The following SULF2 variants were observed in gnomAD, a reference collection of about 807,000 sequenced individuals.
The protein encoded by SULF2 is sulfatase 2, also known as extracellular sulfatase Sulf-2.
In SULF2, 52 loss-of-function variants were observed where a neutral mutation model predicts 107.7. That is an observed-to-expected ratio of 0.48 (90% CI 0.39 to 0.61). The LOEUF (loss-of-function observed/expected upper bound fraction) is 0.61. Ranked by LOEUF, SULF2 falls within the 20% of genes least tolerant of loss-of-function variation. SULF2 has a pLI of 0.00. For synonymous variants in SULF2, 460 were observed against 464.3 expected (o/e 0.99, Z 0.12); for missense variants, 993 against 1,177.3 (o/e 0.84, Z 2.29).
chr20:47,763,133 T>C (rs2146936039), intron 1 of SULF2, among the ~76,000 whole-genome samples: 1 of 152,184 alleles, frequency 6.6e-6, no homozygotes, highest in African/African-American at 2.4e-5. Flanking sequence ...ACTCCATCCC[T>C]GCTGTGGACA....
At chr20:47,760,134 A>G (rs1393309288) in intron 1 of SULF2, among the ~76,000 whole-genome samples, 1 of 152,172 alleles carries the variant, frequency 6.6e-6, no homozygotes, top group African/African-American at 2.4e-5. Context: ...CTCCATGGAC[A>G]CCAACGAGGA....
intron 3 of SULF2, among the ~76,000 whole-genome samples, chr20:47,721,913 T>A (rs1282834866): frequency 6.6e-6 from 1 of 152,104 alleles, no homozygotes; most frequent in Non-Finnish European, 1.5e-5. Flanking sequence ...GAAAGAGACA[T>A]AAGACCCTAG....
chr20:47,701,182 A>G (rs963488615), intron 4 of SULF2, among the ~76,000 whole-genome samples: 1 of 152,222 alleles, frequency 6.6e-6, no homozygotes, highest in East Asian at 1.9e-4. Flanking sequence ...AAGAGAACAG[A>G]CTATACGATT....
Position 47,665,201 on chromosome 20 carries a change from G to T in SULF2, c.1995C>A (p.Ile665=). The change falls in exon 14 of 21, where the codon ATC becomes ATA. Residue 665 remains isoleucine, a splice_region_variant and synonymous_variant. Coordinates refer to ENST00000688720, the MANE Select transcript of SULF2 (RefSeq NM_001387048.1). The part of the protein sequence containing the change: ...KRPEECDCHK[I]SYHTQHKGRL... ...AGGTCCCTTTGCTACTGCCTCACCT[G>T]ATTTTGTGACAGTCACATTCTTCTG... The T allele has an allele frequency of 1.7e-5, 28 of 1,611,382 alleles. No homozygotes were observed. The highest frequency in any genetic ancestry group is 2.4e-5 in the Non-Finnish European group (28 of 1,177,438).
At chr20:47,668,331 C>A (rs910113787) in intron 11 of SULF2, among the ~76,000 whole-genome samples, 1 of 152,240 alleles carries the variant, frequency 6.6e-6, no homozygotes, top group Non-Finnish European at 1.5e-5. Context: ...CCTCTGCAGT[C>A]GCAGGGCTGA....
chr20:47,666,484 G>A lies in SULF2; in HGVS notation c.1581C>T (p.Tyr527=), dbSNP rs151082366. 2.3e-3 allele frequency: 3,742 copies of A among 1,612,208 alleles called. 6 individuals are homozygous for A. The highest frequency in any genetic ancestry group is 2.8e-3 in the Non-Finnish European group (3,248 of 1,179,578). Residue 527 remains tyrosine, a synonymous_variant, in exon 12 of 21, where the codon TAC becomes TAT. Coordinates refer to ENST00000688720, the MANE Select transcript of SULF2 (RefSeq NM_001387048.1). The surrounding 1 kb of genome is among the most constrained non-coding windows in gnomAD (Gnocchi z 5.4). ...AGCGACTGCGGACATAGCTGGCCTT[G>A]TACTCTGTGGGCATTAGAGGAGTGG... ...GRRKKLFKKK[Y]KASYVRSRSI...
At chr20:47,726,736 G>A (rs894967525) in intron 3 of SULF2, among the ~76,000 whole-genome samples, 2 of 152,190 alleles carry the variant, frequency 1.3e-5, no homozygotes. Flanking sequence ...GAATGTTCAG[G>A]GAGTCACAGC....
At chr20:47,702,328 G>A (rs1448649928) in intron 4 of SULF2, among the ~76,000 whole-genome samples, 191 bp downstream of exon 4, 1 of 152,176 alleles carries the variant, frequency 6.6e-6, no homozygotes, top group Non-Finnish European at 1.5e-5. Flanking sequence ...CCAAAGTGCT[G>A]GGATTACAGG....
At chr20:47,770,174 C>T (rs1423294465) in intron 1 of SULF2, among the ~76,000 whole-genome samples, 1 of 151,382 alleles carries the variant, frequency 6.6e-6, no homozygotes, top group East Asian at 1.9e-4. Context: ...AATCCTCCCA[C>T]CTCAGCCTCC....
rs1252941693 is a variant in SULF2 at position 47,672,231 on chromosome 20, G to C, written c.1543C>G (p.Leu515Val). The change falls in exon 11 of 21, where the codon CTG (leucine) becomes GTG (valine). Residue 515 changes from leucine (L) to valine (V), a missense_variant. By Grantham distance (32) the Leu-to-Val change is conservative. Around this residue, in one of 3 missense-constraint regions of SULF2, gnomAD observed 497 missense variants for 544.1 expected, o/e 0.91. Transcript: ENST00000688720. The part of the protein sequence containing the change: ...TCDSGDYKLS[L>V]AGRRKKLFKK... ...AAGAGTTTTTTCCGGCGTCCGGCCAGGCTGAGCTTGTAGTCCCCGCTGTCA... is the reference window on the plus strand; with the variant it reads ...AAGAGTTTTTTCCGGCGTCCGGCCACGCTGAGCTTGTAGTCCCCGCTGTCA... 2 of 1,611,816 alleles carry C rather than the reference G, an allele frequency of 1.2e-6. No individual in the cohort carries two copies.
At chr20:47,683,589 G>C (rs1341630288) in intron 6 of SULF2, among the ~76,000 whole-genome samples, 5 of 152,264 alleles carry the variant, frequency 3.3e-5, no homozygotes, top group African/African-American at 1.2e-4. Flanking sequence ...ATCTGGAAGG[G>C]CGCCGTGTGG....
intron 3 of SULF2, among the ~76,000 whole-genome samples, chr20:47,719,782 C>T (rs2089232971): frequency 6.6e-6 from 1 of 152,160 alleles, no homozygotes; most frequent in Non-Finnish European, 1.5e-5. Context: ...TCAATTCTGC[C>T]ACCGTAGAGC....
rs754568920 is a variant in SULF2 at position 47,661,816 on chromosome 20, C to G, written c.2451G>C (p.Lys817Asn). 10 of 1,589,922 alleles carry G rather than the reference C, an allele frequency of 6.3e-6. No homozygotes were observed. The South Asian group carries it at 1.0e-4, about 16-fold the overall frequency. The change falls in exon 18 of 21, where the codon AAG (lysine) becomes AAC (asparagine). Residue 817 changes from lysine (K) to asparagine (N), a missense_variant. Lys to Asn is a moderately conservative substitution (Grantham distance 94). Transcript: ENST00000688720. The stretch of plus-strand genomic sequence containing the variant: ...TCCGGGGGTTACACTGCTTGTAACC[C>G]TTGCAGCTCCTCAGCTCCATGAGCT... ...HVQLMELRSC[K>N]GYKQCNPRTR...
At chr20:47,711,542 C>A (rs545856916) in intron 3 of SULF2, among the ~76,000 whole-genome samples, 1 of 152,348 alleles carries the variant, frequency 6.6e-6, no homozygotes, top group East Asian at 1.9e-4. Context: ...GAAATACCAA[C>A]AGGGCTTCTT....
At chr20:47,770,824 C>T (rs2090615918) in intron 1 of SULF2, among the ~76,000 whole-genome samples, 1 of 152,148 alleles carries the variant, frequency 6.6e-6, no homozygotes, top group Non-Finnish European at 1.5e-5. Flanking sequence ...GGCTTCCTCA[C>T]AGCATGGCGG....
intron 3 of SULF2, among the ~76,000 whole-genome samples, chr20:47,720,797 T>C (rs2089273952): frequency 6.6e-6 from 1 of 152,166 alleles, no homozygotes; most frequent in Non-Finnish European, 1.5e-5. Flanking sequence ...GCCACTTTCA[T>C]GATCTGTCAT....
intron 1 of SULF2, among the ~76,000 whole-genome samples, chr20:47,768,647 T>A (rs1379610458): frequency 2.6e-5 from 4 of 152,210 alleles, no homozygotes; most frequent in Non-Finnish European, 4.4e-5. Flanking sequence ...CTTTGACAAC[T>A]GATAAGAGAA....
At chr20:47,702,448 C>T in intron 4 of SULF2, 71 bp downstream of exon 4, 1 of 1,550,050 alleles carries the variant, frequency 6.5e-7, no homozygotes, top group Non-Finnish European at 8.7e-7. Flanking sequence ...CCCAAGTAGT[C>T]TGGCTCCTGA....
chr20:47,774,422 C>T (rs142309128), intron 1 of SULF2, among the ~76,000 whole-genome samples: 1,906 of 152,260 alleles, frequency 0.013, 122 homozygotes, highest in Admixed American at 0.1. Flanking sequence ...CTCATTACCG[C>T]GCATGCTCTC....
Sources: allele counts gnomAD v4.1 joint callset (sites outside exome capture counted in the v4.1 genomes callset), GRCh38; gene constraint gnomAD v4.1.1; regional missense constraint gnomAD v4.1.1; non-coding constraint Gnocchi (gnomAD v3.1); transcripts MANE v1.5; gene names NCBI Gene and HGNC (gene_info 2026-07-23, HGNC 2026-07-21).